Variants in AKAP9 observed in about 807,000 individuals in gnomAD.
The protein encoded by AKAP9 is A-kinase anchor protein 9.
AKAP9 carries 311 observed loss-of-function variants against 488.5 expected under a neutral mutation model. The observed-to-expected ratio is 0.64, with a 90% CI of 0.58 to 0.70. The LOEUF is 0.70. Ranked by LOEUF, AKAP9 falls within the 30% of genes least tolerant of loss-of-function variation. AKAP9 has a pLI of 0.00. For synonymous variants in AKAP9, 1,462 were observed against 1,483.5 expected, an observed-to-expected ratio of 0.99 and a Z score of 0.33; for missense variants, 4,215 against 4,374.5, an observed-to-expected ratio of 0.96 and a Z score of 1.03.
intron 3 of AKAP9, among the ~76,000 whole-genome samples, chr7:91,988,412 A>G (rs56197245): frequency 1.5e-4 from 22 of 151,256 alleles, no homozygotes; most frequent in Non-Finnish European, 2.4e-4. Flanking sequence ...TGAGTTTGCA[A>G]TGACCTAATG....
At chr7:92,107,168 G>A in intron 47 of AKAP9, 125 bp from the exon 48 acceptor site, 1 of 941,816 alleles carries the variant, frequency 1.1e-6, no homozygotes, top group Non-Finnish European at 1.6e-6. Flanking sequence ...AATAGAAAAT[G>A]ACTATAAATA....
rs868279502 is a variant in AKAP9, at chr7:92,040,707, G to A, written c.4726G>A (p.Ala1576Thr). ...HDEISVSSMD[A>T]SRQLMLNEEQ... The stretch of plus-strand genomic sequence containing the variant: ...TGAGATTTCAGTGTCAAGCATGGAT[G>A]CTTCTAGACAACTAATGTTGAATGA... The change falls in exon 18 of 50, where the codon GCT (alanine) becomes ACT (threonine). Residue 1576 changes from alanine (A) to threonine (T), a missense_variant. Physicochemically the swap from Ala to Thr is moderately conservative, Grantham distance 58 (BLOSUM62 0). Transcript: ENST00000356239. The A allele has an allele frequency of 6.2e-7, 1 of 1,605,502 alleles. No homozygotes were observed. Among genetic ancestry groups the A allele is most frequent in the Middle Eastern group, 1.7e-4 (1 of 6,020 alleles).
chr7:92,069,479 A>G (rs1184325884), intron 26 of AKAP9, among the ~76,000 whole-genome samples: 1 of 152,224 alleles, frequency 6.6e-6, no homozygotes, highest in Non-Finnish European at 1.5e-5. Flanking sequence ...AACAGTTGCT[A>G]TCTTTATACA....
In AKAP9 at chr7:92,107,804, T is replaced by C. The variant is rs368813071; in HGVS notation, c.11546+382T>C. 3.7e-4 allele frequency: 77 copies of C among 209,264 alleles called. 1 individual carries two copies. The highest frequency in any genetic ancestry group is 2.8e-3 in the East Asian group (24 of 8,568). 13.0% of individuals were successfully genotyped at this position (209,264 alleles called of 1,614,324 possible). On this transcript the variant is annotated intron_variant, in intron 48 of 49. Coordinates refer to ENST00000356239, the MANE Select transcript of AKAP9 (RefSeq NM_005751.5). ...AGGCGGAGCTGGCAGTGAGCTGAGA[T>C]TGTGCCACTGCACTCTGGCCTGGGC...
chr7:91,986,385 A>C (rs1200988463), intron 3 of AKAP9, among the ~76,000 whole-genome samples: 1 of 151,518 alleles, frequency 6.6e-6, no homozygotes, highest in Non-Finnish European at 1.5e-5. Context: ...GCTTCGGCTC[A>C]CCCTCCATGG....
intron 31 of AKAP9, among the ~76,000 whole-genome samples, 192 bp from the exon 32 acceptor site, chr7:92,082,330 C>G (rs934156030): frequency 6.6e-6 from 1 of 152,122 alleles, no homozygotes; most frequent in Non-Finnish European, 1.5e-5. Flanking sequence ...AGAAGAAAAT[C>G]ATTGTCTCAA....
intron 2 of AKAP9, among the ~76,000 whole-genome samples, chr7:91,975,411 C>G (rs1795536632): frequency 6.6e-6 from 1 of 152,122 alleles, no homozygotes; most frequent in South Asian, 2.1e-4. Flanking sequence ...TATTCATTAT[C>G]CATGTATACA....
intron 28 of AKAP9, among the ~76,000 whole-genome samples, chr7:92,072,950 T>G (rs1413324344): frequency 6.6e-6 from 1 of 152,172 alleles, no homozygotes; most frequent in Non-Finnish European, 1.5e-5. Flanking sequence ...TGGTCACACC[T>G]TAAGTGGTTG....
Position 92,086,361 on chromosome 7 carries a change from G to C in AKAP9, c.9158G>C (p.Gly3053Ala), listed in dbSNP as rs1490412554. 6.2e-7 allele frequency: 1 copy of C among 1,613,916 alleles called. No homozygotes were observed. Among genetic ancestry groups the C allele is most frequent in the Non-Finnish European group, 8.5e-7 (1 of 1,179,962 alleles). Reference protein sequence around the residue: ...AAFRTELTALGTTDAVGLLNC... With the variant: ...AAFRTELTALATTDAVGLLNC... ...TTTCGGACGGAGCTGACAGCTCTAG[G>C]TACTACAGATGCAGTTGGTTTACTA... The change falls in exon 37 of 50, where the codon GGT becomes GCT. Residue 3053 changes from glycine (G) to alanine (A), a missense_variant. This residue lies in a region of AKAP9 where 1,476 missense variants were observed against 1,477.4 expected (regional missense o/e 1.00). Coordinates refer to ENST00000356239, the MANE Select transcript of AKAP9 (RefSeq NM_005751.5).
At chr7:92,045,780 C>T (rs956327403) in intron 21 of AKAP9, among the ~76,000 whole-genome samples, 4 of 150,708 alleles carry the variant, frequency 2.7e-5, no homozygotes, top group Non-Finnish European at 4.4e-5. Context: ...GAGCTGTCTT[C>T]GTAACTCTGT....
chr7:92,098,199 C>T lies in AKAP9; in HGVS notation c.10698C>T (p.Gly3566=). 6.2e-7 allele frequency: 1 copy of T among 1,603,596 alleles called. No individual in the cohort carries two copies. Among genetic ancestry groups the T allele is most frequent in the Non-Finnish European group, 8.5e-7 (1 of 1,170,804 alleles). ...EIILQLQKLT[G]QQGEEPSLVS... The stretch of plus-strand genomic sequence containing the variant: ...TTTTACAACTACAGAAATTAACTGG[C>T]CAGCAAGGTGAAGAGGTAATACTTT... The change falls in exon 43 of 50, where the codon GGC becomes GGT. Residue 3566 remains glycine (G), a synonymous_variant. Coordinates refer to ENST00000356239, the MANE Select transcript of AKAP9 (RefSeq NM_005751.5).
intron 7 of AKAP9, among the ~76,000 whole-genome samples, chr7:91,999,627 T>G (rs148373578): frequency 1.2e-4 from 18 of 152,352 alleles, no homozygotes; most frequent in Non-Finnish European, 2.5e-4. Flanking sequence ...TTCAGGGGCA[T>G]TAGGCTGAGA....
At chr7:91,958,486 C>G (rs1470440245) in intron 1 of AKAP9, among the ~76,000 whole-genome samples, 1 of 152,080 alleles carries the variant, frequency 6.6e-6, no homozygotes, top group Non-Finnish European at 1.5e-5. Flanking sequence ...TTAGCAGTAA[C>G]TGAGATGACT....
rs1799068111 is a variant in AKAP9 at position 92,000,845 on chromosome 7, A to C, written c.931-3A>C. The stretch of plus-strand genomic sequence containing the variant: ...TCTTACATTTTCATTTTTTTTCCTA[A>C]AGGAACAAGATAAAAAAGTAGAAAA... On this transcript the variant is annotated splice_polypyrimidine_tract_variant and splice_region_variant and intron_variant, in intron 7 of 49. Coordinates refer to ENST00000356239, the MANE Select transcript of AKAP9 (RefSeq NM_005751.5). 1 of 1,359,114 alleles carries C rather than the reference A, an allele frequency of 7.4e-7. No individual in the cohort carries two copies. The highest frequency in any genetic ancestry group is 2.6e-5 in the East Asian group (1 of 38,798). 84.2% of individuals were successfully genotyped at this position (1,359,114 alleles called of 1,614,324 possible).
chr7:92,058,251 T>C (rs2130814988), intron 22 of AKAP9: 1 of 589,156 alleles, frequency 1.7e-6, no homozygotes, highest in East Asian at 3.7e-5. Context: ...ATTTATGAGG[T>C]TGAATCTCGC....
intron 38 of AKAP9, among the ~76,000 whole-genome samples, chr7:92,091,585 CAA>C (rs796606265): frequency 4.5e-5 from 1 of 22,082 alleles, no homozygotes; most frequent in African/African-American, 1.2e-4. Context: ...GACTCTGTCT[CAA>C]AAAAAAAAAA....
intron 12 of AKAP9, among the ~76,000 whole-genome samples, chr7:92,017,774 TC>T (rs1219446345): frequency 6.6e-6 from 1 of 152,318 alleles, no homozygotes; most frequent in East Asian, 1.9e-4. Flanking sequence ...CTGAAATTCT[TC>T]CTCTCCATCT....
At chr7:92,043,735 C>T (rs1336195206) in intron 20 of AKAP9, among the ~76,000 whole-genome samples, 4 of 152,134 alleles carry the variant, frequency 2.6e-5, no homozygotes, top group Non-Finnish European at 5.9e-5. Context: ...AGAACCGTCT[C>T]TTTCACTTGA....
chr7:92,004,511 TCTC>T (rs1395359356), intron 8 of AKAP9, among the ~76,000 whole-genome samples: 2 of 152,198 alleles, frequency 1.3e-5, no homozygotes, highest in Non-Finnish European at 2.9e-5. Context: ...CGTTTGTAGT[TCTC>T]CTTGAAGAGG....
Sources: allele counts gnomAD v4.1 joint callset (sites outside exome capture counted in the v4.1 genomes callset), GRCh38; gene constraint gnomAD v4.1.1; regional missense constraint gnomAD v4.1.1; transcripts MANE v1.5; gene names NCBI Gene and HGNC (gene_info 2026-07-23, HGNC 2026-07-21).